Variants in ZMYND11 observed in about 807,000 individuals in gnomAD.
ZMYND11 encodes zinc finger MYND-type containing 11.
In ZMYND11, 9 loss-of-function variants were observed where a neutral mutation model predicts 84.9. The observed-to-expected ratio is 0.11, with a 90% confidence interval of 0.06 to 0.18. The LOEUF (loss-of-function observed/expected upper bound fraction) is 0.18, where lower values mean the gene tolerates loss of function less well. Ranked by LOEUF, ZMYND11 falls within the 10% of genes least tolerant of loss-of-function variation. The probability of loss-of-function intolerance (pLI) is 1.00; values close to 1 mark genes in which losing one functional copy is unlikely to be tolerated. For synonymous variants in ZMYND11, 250 were observed against 244.1 expected (o/e 1.02, Z -0.23); for missense variants, 409 against 761.0 (o/e 0.54, Z 5.44).
At chr10:161,078 C>T (rs1588547228) in intron 1 of ZMYND11, among the ~76,000 whole-genome samples, 4 of 150,884 alleles carry the variant, frequency 2.7e-5, no homozygotes, top group Non-Finnish European at 5.9e-5. Flanking sequence ...CCTCCTGCCT[C>T]GGCCTCCCAA....
intron 2 of ZMYND11, among the ~76,000 whole-genome samples, chr10:196,424 T>C (rs1941756805): frequency 6.6e-6 from 1 of 152,214 alleles, no homozygotes. Context: ...AATTTTATTA[T>C]GACCATTTTT....
At chr10:199,156 T>C (rs1588883139) in intron 2 of ZMYND11, among the ~76,000 whole-genome samples, 1 of 152,266 alleles carries the variant, frequency 6.6e-6, no homozygotes, top group East Asian at 1.9e-4. Context: ...TAGTATTTTC[T>C]TTGGTTTTTC....
At chr10:153,848 A>G (rs1449235100) in intron 1 of ZMYND11, among the ~76,000 whole-genome samples, 3 of 152,226 alleles carry the variant, frequency 2.0e-5, no homozygotes, top group Non-Finnish European at 2.9e-5. Context: ...TTCCCTGTGT[A>G]ACCTTTAGCA....
chr10:221,658 A>G (rs571684382), intron 4 of ZMYND11, among the ~76,000 whole-genome samples: 1 of 152,316 alleles, frequency 6.6e-6, no homozygotes, highest in African/African-American at 2.4e-5. Context: ...TACGAAACCT[A>G]CTAACATCTG....
intron 2 of ZMYND11, among the ~76,000 whole-genome samples, chr10:202,462 T>G (rs1943373885): frequency 6.6e-6 from 1 of 152,182 alleles, no homozygotes; most frequent in Non-Finnish European, 1.5e-5. Flanking sequence ...ACGTTAGCCC[T>G]TAGATGACAC....
chr10:233,398 T>C (rs1949362807), intron 4 of ZMYND11, among the ~76,000 whole-genome samples: 1 of 152,174 alleles, frequency 6.6e-6, no homozygotes, highest in South Asian at 2.1e-4. Flanking sequence ...CCTCTGATTA[T>C]TTTCCGTGAG....
chr10:225,184 G>T (rs532442480), intron 4 of ZMYND11, among the ~76,000 whole-genome samples: 192 of 152,208 alleles, frequency 1.3e-3, no homozygotes, highest in African/African-American at 4.2e-3. Flanking sequence ...TTATTAACAT[G>T]GGATTTTTAG....
intron 2 of ZMYND11, among the ~76,000 whole-genome samples, chr10:193,916 G>A (rs747251673): frequency 2.0e-5 from 3 of 152,124 alleles, no homozygotes; most frequent in Non-Finnish European, 4.4e-5. Flanking sequence ...TCATTGCTGA[G>A]TAGTATTTCA....
At chr10:215,803 C>T (rs2131349910) in intron 3 of ZMYND11, among the ~76,000 whole-genome samples, 1 of 152,252 alleles carries the variant, frequency 6.6e-6, no homozygotes, top group South Asian at 2.1e-4. Context: ...AGTGATCCTC[C>T]TGCCTCAGTG....
At chr10:189,087 T>A (rs1164418974) in intron 2 of ZMYND11, among the ~76,000 whole-genome samples, 1 of 152,226 alleles carries the variant, frequency 6.6e-6, no homozygotes, top group Non-Finnish European at 1.5e-5. Context: ...ATTAATTACT[T>A]GCGTTGCTTA....
chr10:253,272 C>T lies in ZMYND11; in HGVS notation c.*802C>T, dbSNP rs1401645672. The T allele has an allele frequency of 3.3e-5, 5 of 152,622 alleles. No homozygotes were observed. Among genetic ancestry groups the T allele is most frequent in the African/African-American group, 1.2e-4 (5 of 41,460 alleles). 9.5% of individuals were successfully genotyped at this position (152,622 alleles called of 1,614,324 possible). ...AAACAAAGCCAAAAACTACCTTTAT[C>T]CATATGTGAAATTATAGATGAGGCA... On this transcript the variant is annotated 3_prime_UTR_variant, in exon 15 of 15. Coordinates refer to ENST00000381604, the MANE Select transcript of ZMYND11 (RefSeq NM_001370100.5).
Position 252,578 on chromosome 10 carries a change from C to G in ZMYND11, c.*108C>G, listed in dbSNP as rs973151867. 1.3e-5 allele frequency: 18 copies of G among 1,437,340 alleles called. No individual in the cohort carries two copies. The highest frequency in any genetic ancestry group is 2.9e-5 in the South Asian group (2 of 68,290). The allele number at this position is 1,437,340 out of a possible 1,614,324, so 89.0% of individuals were successfully genotyped here. A position where few individuals can be genotyped will look rare whatever the true frequency, so the allele number is the denominator to read the frequency against. ...GAATTTGCTTCCCATTTTGCACCAG[C>G]CTTTAAACACTTTTCGTGAAGAAAT... On this transcript the variant is annotated 3_prime_UTR_variant, in exon 15 of 15. Transcript: ENST00000381604. This position sits in a 1 kb window ranked among gnomAD's most constrained non-coding sequence, Gnocchi z 4.6.
chr10:200,360 ATATATGTG>A (rs1942904430), intron 2 of ZMYND11, among the ~76,000 whole-genome samples: 1 of 145,426 alleles, frequency 6.9e-6, no homozygotes, highest in Non-Finnish European at 1.5e-5. Flanking sequence ...ATATATGTGT[ATATATGTG>A]TATATATGTA....
Position 248,384 on chromosome 10 carries a change from A to G in ZMYND11, c.1276A>G (p.Thr426Ala). Residue 426 changes from threonine (T) to alanine (A), a missense_variant, in exon 13 of 15, where the codon ACG becomes GCG. Thr to Ala is a moderately conservative substitution (Grantham distance 58). Coordinates refer to ENST00000381604, the MANE Select transcript of ZMYND11 (RefSeq NM_001370100.5). ...EAVSSSQEIPTMPQPIEKVSV... is the reference protein window; with the variant it reads ...EAVSSSQEIPAMPQPIEKVSV... ...AGTAAGTTCTAGCCAGGAAATACCCACGATGCCTCAGCCCATCGAAAAAGT... is the reference window on the plus strand; with the variant it reads ...AGTAAGTTCTAGCCAGGAAATACCCGCGATGCCTCAGCCCATCGAAAAAGT... The G allele has an allele frequency of 6.2e-7, 1 of 1,614,198 alleles. No homozygotes were observed. The highest frequency in any genetic ancestry group is 8.5e-7 in the Non-Finnish European group (1 of 1,180,026).
chr10:153,900 GCTGCCTTGCCTTCAA>G (rs1396438023), intron 1 of ZMYND11, among the ~76,000 whole-genome samples: 5 of 152,194 alleles, frequency 3.3e-5, no homozygotes, highest in Non-Finnish European at 5.9e-5. Flanking sequence ...ATCTGCAGAA[GCTGCCTTGCCTTCAA>G]ATTTAACGGT....
intron 1 of ZMYND11, among the ~76,000 whole-genome samples, chr10:170,435 T>C (rs868966620): frequency 1.9e-4 from 25 of 134,644 alleles, no homozygotes; most frequent in Middle Eastern, 3.7e-3. Flanking sequence ...TGTGTGCGTG[T>C]GTGTGTGTGT....
chr10:150,247 T>C (rs1839997618), intron 1 of ZMYND11, among the ~76,000 whole-genome samples: 1 of 152,144 alleles, frequency 6.6e-6, no homozygotes, highest in Non-Finnish European at 1.5e-5. Flanking sequence ...GGTCCTGGAC[T>C]TTTTTTGGTT....
chr10:164,903 T>C (rs1231659804), intron 1 of ZMYND11, among the ~76,000 whole-genome samples: 1 of 152,092 alleles, frequency 6.6e-6, no homozygotes, highest in Non-Finnish European at 1.5e-5. Flanking sequence ...TGGCTTAGGG[T>C]GGCAGGAAGA....
At chr10:171,391 C>G (rs1185678301) in intron 1 of ZMYND11, among the ~76,000 whole-genome samples, 3 of 152,100 alleles carry the variant, frequency 2.0e-5, no homozygotes, top group African/African-American at 7.2e-5. Context: ...TCACACAGAA[C>G]ATTCACCAAC....
Sources: allele counts gnomAD v4.1 joint callset (sites outside exome capture counted in the v4.1 genomes callset), GRCh38; gene constraint gnomAD v4.1.1; non-coding constraint Gnocchi (gnomAD v3.1); transcripts MANE v1.5; gene names NCBI Gene and HGNC (gene_info 2026-07-23, HGNC 2026-07-21).